The following TBXAS1 variants were observed in gnomAD, a reference collection of about 807,000 sequenced individuals.
TBXAS1 encodes thromboxane-A synthase.
A neutral mutation model predicts 60.7 loss-of-function variants in TBXAS1; 48 were observed. The observed-to-expected ratio is 0.79, with a 90% CI of 0.63 to 1.01. TBXAS1 has a LOEUF of 1.01. Among genes scored for constraint, TBXAS1 ranks in the 50% least tolerant of loss-of-function variants. The pLI, the probability that TBXAS1 is intolerant of heterozygous loss-of-function variation, is 0.00. For synonymous variants in TBXAS1, 287 were observed against 269.7 expected, an observed-to-expected ratio of 1.06 and a Z score of -0.63; for missense variants, 685 against 686.3, an observed-to-expected ratio of 1.00 and a Z score of 0.02.
At position 139,809,233 on chromosome 7, in the gene TBXAS1, T is replaced by TAGATAGATGATAGATAGATA. The variant is rs1554466810; in HGVS notation, c.-79-20079_-79-20078insAGATAGATGATAGATAGATA. On this transcript the variant is annotated intron_variant, in intron 4 of 16. Transcript: ENST00000336425. ...ATAGATAGATAGATAGATAGATAGA[T>TAGATAGATGATAGATAGATA]GATAGATAGATAGATAGATAGATAG... Among the ~76,000 whole-genome samples, 363 of 131,026 alleles carry TAGATAGATGATAGATAGATA rather than the reference T, an allele frequency of 2.8e-3. 1 individual carries two copies. Among genetic ancestry groups the TAGATAGATGATAGATAGATA allele is most frequent in the Non-Finnish European group, 4.0e-3 (246 of 62,262 alleles). 86.0% of individuals were successfully genotyped at this position (131,026 alleles called of 152,430 possible). A position where few individuals can be genotyped will look rare whatever the true frequency, so the allele number is the denominator to read the frequency against.
chr7:139,805,999 C>T (rs1206801581), intron 4 of TBXAS1, among the ~76,000 whole-genome samples: 2 of 142,144 alleles, frequency 1.4e-5, no homozygotes, highest in African/African-American at 5.3e-5. Flanking sequence ...CAGTGGCGCT[C>T]TCTTGGCTCA....
rs143741095 is a variant in TBXAS1 at position 139,919,167 on chromosome 7, A to G, written c.333+7846A>G. On this transcript the variant is annotated intron_variant, in intron 4 of 12. Coordinates refer to ENST00000448866, the MANE Select transcript of TBXAS1 (RefSeq NM_001061.7). ...GAATTCTTGAGTCTCAGTTGATTAT[A>G]ATATAATGAGGGGACAGTGCCAGGT... is the stretch of plus-strand genomic sequence containing the variant. Among the ~76,000 whole-genome samples the G allele has an allele frequency of 1.6e-4, 24 of 152,274 alleles. No individual in the cohort carries two copies. In the East Asian group the frequency reaches 4.6e-3, roughly 29 times the overall value.
chr7:139,809,245 A>AGATAGAT (rs1797962694), intron 4 of TBXAS1, among the ~76,000 whole-genome samples: 27 of 51,478 alleles, frequency 5.2e-4, no homozygotes, highest in African/African-American at 1.7e-3. Context: ...ATAGATAGAT[A>AGATAGAT]GATAGATAGA....
chr7:139,905,933 C>T (rs192728227), intron 3 of TBXAS1, among the ~76,000 whole-genome samples: 59 of 151,638 alleles, frequency 3.9e-4, no homozygotes, highest in African/African-American at 1.3e-3. Flanking sequence ...CTCTAATTTT[C>T]AAAGATTTTT....
intron 3 of TBXAS1, among the ~76,000 whole-genome samples, chr7:139,876,243 T>C (rs1802227793): frequency 1.3e-5 from 2 of 152,222 alleles, no homozygotes; most frequent in Admixed American, 1.3e-4. Flanking sequence ...AATATAGCCC[T>C]TCTCTTTATT....
intron 9 of TBXAS1, among the ~76,000 whole-genome samples, chr7:139,966,289 T>G (rs562905135): frequency 9.8e-4 from 149 of 152,358 alleles, no homozygotes; most frequent in Admixed American, 2.3e-3. Flanking sequence ...GCTACATCTC[T>G]TCCTCCAAGA....
At chr7:139,915,114 TG>T (rs1489019605) in intron 4 of TBXAS1, among the ~76,000 whole-genome samples, 1 of 152,248 alleles carries the variant, frequency 6.6e-6, no homozygotes, top group Non-Finnish European at 1.5e-5. Context: ...TGTGTAGCTT[TG>T]TTTATGGTCT....
chr7:139,981,799 G>C (rs1369867290), intron 9 of TBXAS1, among the ~76,000 whole-genome samples: 3 of 152,194 alleles, frequency 2.0e-5, no homozygotes, highest in Non-Finnish European at 4.4e-5. Context: ...GAAGGTTTGT[G>C]GCTGCAGCAT....
At chr7:139,790,490 C>T (rs1041532785) in intron 4 of TBXAS1, among the ~76,000 whole-genome samples, 1 of 152,124 alleles carries the variant, frequency 6.6e-6, no homozygotes, top group Non-Finnish European at 1.5e-5. Context: ...TCACTTCTGT[C>T]AAAACAACAA....
At chr7:139,899,299 T>C (rs1190458994) in intron 3 of TBXAS1, among the ~76,000 whole-genome samples, 1 of 152,164 alleles carries the variant, frequency 6.6e-6, no homozygotes, top group Non-Finnish European at 1.5e-5. Flanking sequence ...TGCCTGTAGG[T>C]GACCCCCTGC....
chr7:139,919,430 C>A (rs1274859484), intron 4 of TBXAS1, among the ~76,000 whole-genome samples: 2 of 152,236 alleles, frequency 1.3e-5, no homozygotes, highest in African/African-American at 2.4e-5. Flanking sequence ...AGAAGCACCT[C>A]GCTCTGTTCA....
At chr7:139,994,145 G>A (rs559297584) in intron 9 of TBXAS1, among the ~76,000 whole-genome samples, 83 of 152,280 alleles carry the variant, frequency 5.5e-4, no homozygotes, top group South Asian at 1.0e-3. Flanking sequence ...AGGTTCAGGT[G>A]GTTCTCCTGC....
chr7:139,891,635 G>A (rs1177438358), intron 3 of TBXAS1, among the ~76,000 whole-genome samples: 2 of 152,138 alleles, frequency 1.3e-5, no homozygotes, highest in Non-Finnish European at 2.9e-5. Flanking sequence ...TGCTTTCCTG[G>A]TAGAATGCAA....
rs535336127 is a variant in TBXAS1, at chr7:139,922,047, G to A, written c.333+10726G>A. 2.0e-5 allele frequency among the ~76,000 whole-genome samples: 3 copies of A among 151,380 alleles called. No individual in the cohort carries two copies. In the East Asian group the frequency reaches 5.8e-4, roughly 29 times the overall value. On this transcript the variant is annotated intron_variant, in intron 4 of 12. Coordinates refer to ENST00000448866, the MANE Select transcript of TBXAS1 (RefSeq NM_001061.7). ...TGGGTAGTAGTGGTATCTCACCACA[G>A]TTTTAATTTGTATTTATCTGGTGAC... is the stretch of plus-strand genomic sequence containing the variant.
intron 5 of TBXAS1, among the ~76,000 whole-genome samples, chr7:139,941,097 T>C (rs4726473): frequency 0.76 from 115,840 of 152,126 alleles, 44,163 homozygotes; most frequent in Admixed American, 0.8. Flanking sequence ...GCTGTGGGTA[T>C]CTGAGTCAGT....
At chr7:140,015,250 G>C (rs926093307) in intron 10 of TBXAS1, among the ~76,000 whole-genome samples, 1 of 152,120 alleles carries the variant, frequency 6.6e-6, no homozygotes, top group Non-Finnish European at 1.5e-5. Flanking sequence ...AGGCAGCAGG[G>C]CTAGTCAGTG....
chr7:139,850,905 G>A (rs1231239510), intron 1 of TBXAS1, among the ~76,000 whole-genome samples: 1 of 152,192 alleles, frequency 6.6e-6, no homozygotes, highest in African/African-American at 2.4e-5. Flanking sequence ...TTCAGAGGGA[G>A]CATGGCCCTG....
rs57545948 is a variant in TBXAS1 at position 139,852,935 on chromosome 7, TAC to T, written c.90-19246_90-19245del. On this transcript the variant is annotated intron_variant, in intron 1 of 12. Coordinates refer to ENST00000448866, the MANE Select transcript of TBXAS1 (RefSeq NM_001061.7). The surrounding 1 kb of genome is among the most constrained non-coding windows in gnomAD (Gnocchi z 4.4). ...TGTGTACCAACCTTGGCTACTCCAATACACACACACACACACACACACACACA... is the reference window on the plus strand; with the variant it reads ...TGTGTACCAACCTTGGCTACTCCAATACACACACACACACACACACACACA... 0.098 allele frequency among the ~76,000 whole-genome samples: 12,413 copies of T among 126,482 alleles called. 466 individuals are homozygous for T. The highest frequency in any genetic ancestry group is 0.13 in the East Asian group (520 of 4,120). 83.0% of individuals were successfully genotyped at this position (126,482 alleles called of 152,430 possible).
intron 2 of TBXAS1, among the ~76,000 whole-genome samples, chr7:139,874,155 C>G (rs1271634476): frequency 3.9e-5 from 6 of 152,172 alleles, no homozygotes. Context: ...GGGCGGTTCA[C>G]AACTTTTAAG....
Sources: allele counts gnomAD v4.1 joint callset (sites outside exome capture counted in the v4.1 genomes callset), GRCh38; gene constraint gnomAD v4.1.1; non-coding constraint Gnocchi (gnomAD v3.1); transcripts MANE v1.5; gene names NCBI Gene and HGNC (gene_info 2026-07-23, HGNC 2026-07-21).